Variants in DTNA observed in about 807,000 individuals in gnomAD.
DTNA encodes the protein dystrobrevin alpha.
A neutral mutation model predicts 100.7 loss-of-function variants in DTNA; 43 were observed. The observed-to-expected ratio is 0.43, with a 90% confidence interval of 0.33 to 0.55. The LOEUF (loss-of-function observed/expected upper bound fraction) is 0.55. Among genes scored for constraint, DTNA ranks in the 20% least tolerant of loss-of-function variants. The pLI, the probability that DTNA is intolerant of heterozygous loss-of-function variation, is 0.04. For synonymous variants in DTNA, 349 were observed against 347.9 expected, an observed-to-expected ratio of 1.00 and a Z score of -0.04; for missense variants, 798 against 953.9, an observed-to-expected ratio of 0.84 and a Z score of 2.15.
intron 1 of DTNA, among the ~76,000 whole-genome samples, chr18:34,650,517 C>G (rs1350234637): frequency 6.6e-6 from 1 of 152,014 alleles, no homozygotes; most frequent in African/African-American, 2.4e-5. Context: ...TTTCCTTTTT[C>G]GACACTGTTA....
intron 1 of DTNA, among the ~76,000 whole-genome samples, chr18:34,516,912 TTAAAG>T (rs1250055405): frequency 5.3e-5 from 8 of 152,102 alleles, no homozygotes; most frequent in Non-Finnish European, 8.8e-5. Flanking sequence ...GATTAAGAGA[TTAAAG>T]TAAAGACAGG....
rs189278024 is a variant in DTNA, at chr18:34,807,796, T to C, written c.448+1492T>C. Among the ~76,000 whole-genome samples the C allele has an allele frequency of 4.3e-3, 652 of 150,650 alleles. 6 individuals carry two copies. Among genetic ancestry groups the C allele is most frequent in the African/African-American group, 0.015 (621 of 40,996 alleles). Reference sequence around the variant, plus strand: ...GAAAATTAAAAACTATCTACCTCAGTGCTTATTTGAGAGATAATAGCTAAA... The same window carrying C: ...GAAAATTAAAAACTATCTACCTCAGCGCTTATTTGAGAGATAATAGCTAAA... On this transcript the variant is annotated intron_variant, in intron 5 of 22. Transcript: ENST00000444659.
chr18:34,830,699 G>T (rs964076004), intron 11 of DTNA, among the ~76,000 whole-genome samples: 1 of 152,306 alleles, frequency 6.6e-6, no homozygotes, highest in African/African-American at 2.4e-5. Context: ...GTGTGTGCAC[G>T]TGTGCACATG....
intron 13 of DTNA, among the ~76,000 whole-genome samples, chr18:34,840,227 A>G (rs1367412031): frequency 1.3e-5 from 2 of 152,158 alleles, no homozygotes; most frequent in East Asian, 3.9e-4. Context: ...GCTGACGTAA[A>G]TCCATCTCTT....
intron 13 of DTNA, among the ~76,000 whole-genome samples, chr18:34,848,016 T>C (rs1392428660): frequency 6.6e-6 from 1 of 152,268 alleles, no homozygotes; most frequent in East Asian, 1.9e-4. Context: ...AGAGAAATTC[T>C]TCTGATCAGA....
chr18:34,684,987 A>G (rs1019164996), intron 1 of DTNA, among the ~76,000 whole-genome samples: 3 of 151,950 alleles, frequency 2.0e-5, no homozygotes, highest in African/African-American at 7.3e-5. Context: ...CCACTTTTTG[A>G]TGGGGTTGCT....
rs535193817 is a variant in DTNA, at chr18:34,665,917, C to T, written c.-1-90059C>T. ...TGTGTCTTTATAGCAGCATGATTTACAGTCCTTTGGGTATATACCCAGTAA... is the reference window on the plus strand; with the variant it reads ...TGTGTCTTTATAGCAGCATGATTTATAGTCCTTTGGGTATATACCCAGTAA... On this transcript the variant is annotated intron_variant, in intron 1 of 19. Transcript: ENST00000283365. Among the ~76,000 whole-genome samples, 470 of 152,138 alleles carry T rather than the reference C, an allele frequency of 3.1e-3. 2 individuals are homozygous for T. Among genetic ancestry groups the T allele is most frequent in the African/African-American group, 0.011 (439 of 41,508 alleles).
chr18:34,729,302 G>A (rs1343464878), intron 1 of DTNA, among the ~76,000 whole-genome samples: 1 of 152,220 alleles, frequency 6.6e-6, no homozygotes, highest in African/African-American at 2.4e-5. Context: ...GAACTCAAGT[G>A]TGTCTAATGT....
At position 34,890,574 on chromosome 18, in the gene DTNA, G is replaced by A. The variant is rs1603374532; in HGVS notation, c.*2840G>A. ...GCTGATAGCCTGTTAATAAGCACTG[G>A]TCTAACACAGCCAACCCTCCTCCAC... On this transcript the variant is annotated 3_prime_UTR_variant, in exon 23 of 23. Coordinates refer to ENST00000444659, the MANE Select transcript of DTNA (RefSeq NM_001386795.1). The A allele has an allele frequency of 1.5e-6, 2 of 1,338,054 alleles. No homozygotes were observed. The highest frequency in any genetic ancestry group is 2.5e-5 in the East Asian group (1 of 39,706). 82.9% of individuals were successfully genotyped at this position (1,338,054 alleles called of 1,614,324 possible).
At chr18:34,529,437 C>T (rs1231468618) in intron 1 of DTNA, among the ~76,000 whole-genome samples, 1 of 151,922 alleles carries the variant, frequency 6.6e-6, no homozygotes, top group African/African-American at 2.4e-5. Context: ...AAAAATATAT[C>T]TAAAAGATTT....
At chr18:34,626,776 A>T (rs1021863189) in intron 1 of DTNA, among the ~76,000 whole-genome samples, 1 of 152,256 alleles carries the variant, frequency 6.6e-6, no homozygotes, top group African/African-American at 2.4e-5. Flanking sequence ...AAGAAGCTAC[A>T]CAGATGCAGC....
At position 34,804,112 on chromosome 18, in the gene DTNA, G is replaced by A. The variant is rs114098196; in HGVS notation, c.363-2107G>A. Among the ~76,000 whole-genome samples the A allele has an allele frequency of 1.7e-3, 259 of 151,796 alleles. 2 individuals carry two copies. The highest frequency in any genetic ancestry group is 5.8e-3 in the African/African-American group (237 of 41,104). On this transcript the variant is annotated intron_variant, in intron 4 of 22. Transcript: ENST00000444659. ...GCAGAGTGATTTCCTAGACATCTAG[G>A]AGAAAAGCTGTTTTCAGAGCAGGGT...
At chr18:34,748,236 A>AT (rs55637445) in intron 1 of DTNA, among the ~76,000 whole-genome samples, 133,012 of 152,120 alleles carry the variant, frequency 0.87, 58,787 homozygotes, top group East Asian at 1. Flanking sequence ...GTTTGAGAAG[A>AT]TTTTCTCCCA....
chr18:34,581,824 A>G (rs1017775058), intron 1 of DTNA, among the ~76,000 whole-genome samples: 4 of 151,960 alleles, frequency 2.6e-5, no homozygotes, highest in Admixed American at 2.6e-4. Flanking sequence ...GGGTTTCACC[A>G]TGTTGGCCAG....
intron 6 of DTNA, 101 bp from the exon 7 acceptor site, chr18:34,815,808 T>G: frequency 9.9e-7 from 1 of 1,007,958 alleles, no homozygotes; most frequent in Non-Finnish European, 1.6e-6. Context: ...AGACATTTAT[T>G]GAGTGCTCTT....
At chr18:34,565,979 C>T (rs2047047004) in intron 1 of DTNA, among the ~76,000 whole-genome samples, 1 of 152,098 alleles carries the variant, frequency 6.6e-6, no homozygotes, top group Non-Finnish European at 1.5e-5. Context: ...CCATTGACAC[C>T]AAAATGCCTG....
chr18:34,802,537 G>C (rs548018168), intron 4 of DTNA, among the ~76,000 whole-genome samples: 3 of 152,098 alleles, frequency 2.0e-5, no homozygotes, highest in Non-Finnish European at 4.4e-5. Flanking sequence ...TCTACTCCTT[G>C]CTTCCTGTGT....
At chr18:34,867,103 T>G in intron 17 of DTNA, 1 of 1,231,234 alleles carries the variant, frequency 8.1e-7, no homozygotes, top group Non-Finnish European at 1.0e-6. Context: ...CTAGCATTAT[T>G]TAAAAGTTTC....
At position 34,816,355 on chromosome 18, in the gene DTNA, G is replaced by A. The variant is rs143337815; in HGVS notation, c.709+341G>A. ...CGAATTTCTCATATTTGCATACACG[G>A]TACTGATTATTTCTTCCCAGGCACT... On this transcript the variant is annotated intron_variant, in intron 7 of 22. Transcript: ENST00000444659. Among the ~76,000 whole-genome samples the A allele has an allele frequency of 4.7e-4, 72 of 152,120 alleles. 2 individuals carry two copies. In the East Asian group the frequency reaches 0.013, roughly 28 times the overall value.
Sources: allele counts gnomAD v4.1 joint callset (sites outside exome capture counted in the v4.1 genomes callset), GRCh38; gene constraint gnomAD v4.1.1; transcripts MANE v1.5; gene names NCBI Gene and HGNC (gene_info 2026-07-23, HGNC 2026-07-21).